The following NAALADL2 variants were observed in gnomAD, a reference collection of about 807,000 sequenced individuals.
NAALADL2 encodes N-acetylated alpha-linked acidic dipeptidase like 2, also known as inactive N-acetylated-alpha-linked acidic dipeptidase-like protein 2.
NAALADL2 carries 76 observed loss-of-function variants against 87.2 expected under a neutral mutation model. That is an observed-to-expected ratio of 0.87 (90% CI 0.72 to 1.05). The LOEUF (loss-of-function observed/expected upper bound fraction) is 1.05, where lower values mean the gene tolerates loss of function less well. Among genes scored for constraint, NAALADL2 ranks in the 50% least tolerant of loss-of-function variants. The pLI, the probability that NAALADL2 is intolerant of heterozygous loss-of-function variation, is 0.00. For missense variants in NAALADL2, 1,089 were observed against 945.8 expected (o/e 1.15, Z -1.99); for synonymous variants, 354 against 331.0 (o/e 1.07, Z -0.75).
At chr3:174,737,680 G>A (rs1046262120) in exon 3 of NAALADL2, 1 of 152,146 alleles carries the variant, frequency 6.6e-6, no homozygotes, top group African/African-American at 2.4e-5. Flanking sequence ...ATGAAGACTG[G>A]GTCCAGATTG....
At chr3:175,399,892 T>A (rs1452135352) in intron 5 of NAALADL2, among the ~76,000 whole-genome samples, 1 of 152,148 alleles carries the variant, frequency 6.6e-6, no homozygotes, top group Non-Finnish European at 1.5e-5. Flanking sequence ...ATCTGTTCAT[T>A]TTCCTATTTA....
At chr3:175,723,784 A>G (rs1742557823) in intron 11 of NAALADL2, among the ~76,000 whole-genome samples, 1 of 152,076 alleles carries the variant, frequency 6.6e-6, no homozygotes, top group Non-Finnish European at 1.5e-5. Flanking sequence ...TCCTTCCATC[A>G]AGACTGATTG....
chr3:175,550,830 T>C (rs563864038), intron 9 of NAALADL2, among the ~76,000 whole-genome samples: 363 of 152,316 alleles, frequency 2.4e-3, no homozygotes, highest in African/African-American at 8.2e-3. Flanking sequence ...AGATATATAC[T>C]GTTTGAGGGA....
chr3:175,722,403 A>G lies in NAALADL2; in HGVS notation c.1897-14903A>G, dbSNP rs117641106. On this transcript the variant is annotated intron_variant, in intron 11 of 13. Transcript: ENST00000454872. The stretch of plus-strand genomic sequence containing the variant: ...CATAGTACACATCTGAGATAATAAA[A>G]CCCAGGCACCTCTTAATCTGCCTAA... 1.3e-3 allele frequency among the ~76,000 whole-genome samples: 200 copies of G among 152,250 alleles called. No homozygotes were observed. In the East Asian group the frequency reaches 0.022, roughly 17 times the overall value.
intron 4 of NAALADL2, among the ~76,000 whole-genome samples, chr3:175,321,925 C>T (rs200895154): frequency 0.17 from 25,050 of 146,156 alleles, 2,348 homozygotes; most frequent in East Asian, 0.23. Context: ...AGGTAATTTA[C>T]AGATTCAATG....
chr3:175,358,280 T>C (rs1764604280), intron 5 of NAALADL2, among the ~76,000 whole-genome samples: 1 of 152,138 alleles, frequency 6.6e-6, no homozygotes, highest in African/African-American at 2.4e-5. Flanking sequence ...CCTTATAACT[T>C]TGTTACATTA....
chr3:174,981,792 C>A (rs1422797867), intron 1 of NAALADL2, among the ~76,000 whole-genome samples: 2 of 152,064 alleles, frequency 1.3e-5, no homozygotes, highest in Non-Finnish European at 2.9e-5. Context: ...ACTCACCTAC[C>A]TTTTGTTTCT....
intron 1 of NAALADL2, among the ~76,000 whole-genome samples, chr3:174,449,946 A>G (rs1715358782): frequency 6.6e-6 from 1 of 151,952 alleles, no homozygotes; most frequent in African/African-American, 2.4e-5. Flanking sequence ...TGTCATCTTC[A>G]TTGTATATGT....
At chr3:175,712,679 C>T (rs1007913695) in intron 11 of NAALADL2, among the ~76,000 whole-genome samples, 1 of 152,080 alleles carries the variant, frequency 6.6e-6, no homozygotes, top group East Asian at 1.9e-4. Context: ...TCAGAAGGTT[C>T]TGTCTGTGGG....
chr3:174,540,833 C>A (rs1195552081), intron 1 of NAALADL2: 4 of 152,168 alleles, frequency 2.6e-5, no homozygotes, highest in Admixed American at 2.6e-4. Context: ...GCCTTGGAGA[C>A]TAAGAACTTT....
At chr3:175,788,662 C>T (rs1560016602) in intron 13 of NAALADL2, among the ~76,000 whole-genome samples, 2 of 152,092 alleles carry the variant, frequency 1.3e-5, no homozygotes, top group East Asian at 3.9e-4. Flanking sequence ...AGAGCATATT[C>T]CTGTAGTTAA....
At chr3:175,105,359 G>A (rs1482776919) in intron 2 of NAALADL2, among the ~76,000 whole-genome samples, 1 of 151,796 alleles carries the variant, frequency 6.6e-6, no homozygotes, top group African/African-American at 2.4e-5. Flanking sequence ...TCTTGATAAG[G>A]CTTCATGTCC....
intron 2 of NAALADL2, among the ~76,000 whole-genome samples, chr3:174,620,141 C>A (rs1451990562): frequency 6.6e-6 from 1 of 151,990 alleles, no homozygotes; most frequent in African/African-American, 2.4e-5. Context: ...TTATTCATGG[C>A]CATCCTCTTT....
intron 1 of NAALADL2, among the ~76,000 whole-genome samples, chr3:175,070,933 A>G (rs1363526153): frequency 6.6e-6 from 1 of 152,096 alleles, no homozygotes; most frequent in African/African-American, 2.4e-5. Flanking sequence ...CTATTGCTCT[A>G]GACCCTTTTT....
intron 1 of NAALADL2, among the ~76,000 whole-genome samples, chr3:174,464,379 A>ATT (rs35463381): frequency 0.22 from 29,394 of 131,320 alleles, 3,498 homozygotes; most frequent in South Asian, 0.36. Flanking sequence ...TGTTGGATTC[A>ATT]TTTTTTTTTT....
At chr3:175,746,921 A>G (rs1479312383) in intron 12 of NAALADL2, among the ~76,000 whole-genome samples, 1 of 152,164 alleles carries the variant, frequency 6.6e-6, no homozygotes, top group Non-Finnish European at 1.5e-5. Context: ...TCCTCATATA[A>G]AATGGTGTAG....
At chr3:175,368,914 T>C (rs894208786) in intron 5 of NAALADL2, among the ~76,000 whole-genome samples, 3 of 152,012 alleles carry the variant, frequency 2.0e-5, no homozygotes, top group African/African-American at 7.2e-5. Flanking sequence ...TAAAAAAAAT[T>C]GCCACCCCTG....
At chr3:175,101,445 T>C (rs1303261247) in intron 2 of NAALADL2, among the ~76,000 whole-genome samples, 47 of 152,218 alleles carry the variant, frequency 3.1e-4, no homozygotes, top group Admixed American at 3.1e-3. Flanking sequence ...CTCTTTAACT[T>C]AGAAGAAGCT....
chr3:175,504,528 A>G (rs974706826), intron 9 of NAALADL2, among the ~76,000 whole-genome samples: 4 of 151,830 alleles, frequency 2.6e-5, no homozygotes, highest in Admixed American at 6.6e-5. Context: ...ACGAGAAAAG[A>G]AAGTTTTCTC....
Sources: allele counts gnomAD v4.1 joint callset (sites outside exome capture counted in the v4.1 genomes callset), GRCh38; gene constraint gnomAD v4.1.1; transcripts MANE v1.5; gene names NCBI Gene and HGNC (gene_info 2026-07-23, HGNC 2026-07-21).